TEX35: variants seen among roughly 807,000 people sequenced by gnomAD.
TEX35 encodes testis expressed 35.
TEX35 carries 26 observed loss-of-function variants against 31.9 expected under a neutral mutation model. That is an observed-to-expected ratio of 0.81 (90% CI 0.60 to 1.13). The LOEUF (loss-of-function observed/expected upper bound fraction) is 1.13, where lower values mean the gene tolerates loss of function less well. TEX35 is among the 50% of genes most tolerant of loss of function. TEX35 has a pLI of 0.00. For missense variants in TEX35, 278 were observed against 273.5 expected, an observed-to-expected ratio of 1.02 and a Z score of -0.12; for synonymous variants, 87 against 90.7, an observed-to-expected ratio of 0.96 and a Z score of 0.23.
chr1:178,514,259 C>G (rs1417255495), intron 2 of TEX35, 182 bp downstream of exon 2: 1 of 1,513,372 alleles, frequency 6.6e-7, no homozygotes, highest in African/African-American at 1.4e-5. Context: ...CATAAACGAA[C>G]AAGGACTCAT....
At chr1:178,521,561 G>T in intron 8 of TEX35, 1 of 1,468,062 alleles carries the variant, frequency 6.8e-7, no homozygotes, top group Non-Finnish European at 9.3e-7. Context: ...CATCCAGTGG[G>T]AAATATTCAC....
intron 3 of TEX35, among the ~76,000 whole-genome samples, chr1:178,515,239 C>A (rs767359791): frequency 6.6e-5 from 10 of 152,182 alleles, no homozygotes; most frequent in Non-Finnish European, 4.4e-5. Flanking sequence ...TCCCGAGTAT[C>A]TGGGACTATA....
chr1:178,519,868 C>A lies in TEX35; in HGVS notation c.277-504C>A, dbSNP rs533404254. 4.6e-5 allele frequency among the ~76,000 whole-genome samples: 7 copies of A among 152,200 alleles called. No homozygotes were observed. In the South Asian group the frequency reaches 1.5e-3, roughly 32 times the overall value. ...ATTTTATTATTCCTTCTGTTCTGAG[C>A]GAATAATACGTGTGATGTATCCCTT... On this transcript the variant is annotated intron_variant, in intron 5 of 8. Coordinates refer to ENST00000319416, the MANE Select transcript of TEX35 (RefSeq NM_032126.5).
chr1:178,513,622 G>A (rs1649955069), intron 1 of TEX35, among the ~76,000 whole-genome samples: 1 of 152,266 alleles, frequency 6.6e-6, no homozygotes, highest in Non-Finnish European at 1.5e-5. Context: ...GGCTCAGAGA[G>A]GCTAAGCAAC....
chr1:178,522,381 AC>A lies in TEX35; in HGVS notation c.646del (p.Gln216AsnfsTer21). On this transcript the variant is annotated frameshift_variant, in exon 9 of 9. Transcript: ENST00000319416. LOFTEE classifies it low-confidence loss of function (END_TRUNC). ...LYKGGEEPVT[T>X]QPSVGHAVPA... Reference sequence around the variant, plus strand: ...CAAAGGTGGAGAGGAGCCAGTGACCACCCAACCTTCTGTGGGCCACGCTGTG... The same window carrying A: ...CAAAGGTGGAGAGGAGCCAGTGACCACCAACCTTCTGTGGGCCACGCTGTG... 6.2e-7 allele frequency: 1 copy of A among 1,607,096 alleles called. No homozygotes were observed.
At chr1:178,521,041 T>G in intron 7 of TEX35, 167 bp downstream of exon 7, 1 of 1,545,088 alleles carries the variant, frequency 6.5e-7, no homozygotes, top group Non-Finnish European at 8.7e-7. Flanking sequence ...CCTTGCCTTC[T>G]AGGCCTGTGG....
In TEX35 at chr1:178,522,334, C is replaced by A; in HGVS notation, c.596C>A (p.Pro199His). 1 of 1,598,886 alleles carries A rather than the reference C, an allele frequency of 6.3e-7. No individual in the cohort carries two copies. Among genetic ancestry groups the A allele is most frequent in the Non-Finnish European group, 8.5e-7 (1 of 1,171,782 alleles). ...CCCTCCACCCCCAAAGGGAACATTC[C>A]TTCAGAGGCCTCAGGCCTTTACAAA... The part of the protein sequence containing the change: ...LKNNYNRGNI[P>H]SEASGLYKGG... Residue 199 changes from proline (P) to histidine (H), a missense_variant, in exon 9 of 9, where the codon CCT becomes CAT. Physicochemically the swap from Pro to His is moderately conservative, Grantham distance 77. Coordinates refer to ENST00000319416, the MANE Select transcript of TEX35 (RefSeq NM_032126.5).
chr1:178,518,469 G>T (rs969245097), intron 5 of TEX35, among the ~76,000 whole-genome samples: 1 of 152,068 alleles, frequency 6.6e-6, no homozygotes, highest in African/African-American at 2.4e-5. Flanking sequence ...ATTTTCAACA[G>T]TAGGGGAATG....
intron 2 of TEX35, 153 bp downstream of exon 2, chr1:178,514,230 C>G: frequency 6.5e-7 from 1 of 1,548,454 alleles, no homozygotes; most frequent in East Asian, 2.4e-5. Flanking sequence ...TAGAACTTCA[C>G]ACTGTAACCA....
chr1:178,515,253 G>A (rs186086124), intron 3 of TEX35, among the ~76,000 whole-genome samples: 379 of 152,148 alleles, frequency 2.5e-3, no homozygotes, highest in African/African-American at 8.7e-3. Context: ...GACTATAGGC[G>A]TGCACCACCA....
intron 4 of TEX35, 130 bp downstream of exon 4, chr1:178,516,045 G>T (rs1320806024): frequency 9.3e-6 from 7 of 749,368 alleles, no homozygotes; most frequent in Non-Finnish European, 1.6e-5. Context: ...AATACCCAGA[G>T]CACTTCAGTA....
chr1:178,516,446 C>T, intron 4 of TEX35, 169 bp from the exon 5 acceptor site: 1 of 598,912 alleles, frequency 1.7e-6, no homozygotes, highest in South Asian at 2.1e-5. Flanking sequence ...GTGCTTGCAC[C>T]CTAGTCCCTT....
intron 3 of TEX35, among the ~76,000 whole-genome samples, chr1:178,515,379 T>C (rs1049188656): frequency 6.7e-6 from 1 of 149,436 alleles, no homozygotes; most frequent in African/African-American, 2.5e-5. Flanking sequence ...GATTACAGGT[T>C]TGAGCCACTG....
chr1:178,517,553 C>A (rs568526498), intron 5 of TEX35, among the ~76,000 whole-genome samples: 2 of 152,318 alleles, frequency 1.3e-5, no homozygotes, highest in South Asian at 4.1e-4. Flanking sequence ...CCCATCCAGG[C>A]TACACCTCAT....
At chr1:178,516,491 G>A in intron 4 of TEX35, 124 bp from the exon 5 acceptor site, 1 of 763,032 alleles carries the variant, frequency 1.3e-6, no homozygotes, top group Non-Finnish European at 2.2e-6. Flanking sequence ...GCTCTAACAG[G>A]CCATTATTAG....
intron 8 of TEX35, 136 bp downstream of exon 8, chr1:178,521,400 C>A: frequency 3.6e-6 from 4 of 1,123,740 alleles, no homozygotes; most frequent in Non-Finnish European, 5.4e-6. Context: ...GCAGATGCTG[C>A]CACCCAGCAT....
chr1:178,520,826 A>C lies in TEX35; in HGVS notation c.495A>C (p.Lys165Asn). Residue 165 changes from lysine (K) to asparagine (N), a missense_variant, in exon 7 of 9, where the codon AAA becomes AAC. Physicochemically the swap from Lys to Asn is moderately conservative, Grantham distance 94. Coordinates refer to ENST00000319416, the MANE Select transcript of TEX35 (RefSeq NM_032126.5). ...ALHKKTMAPQ[K>N]TKQGSLDPLH... is the part of the protein sequence containing the mutation. The stretch of plus-strand genomic sequence containing the variant: ...ACAAGAAGACGATGGCACCACAAAA[A>C]ACAAAACAGGGCTCACTGGATCCCC... The C allele has an allele frequency of 6.2e-7, 1 of 1,614,122 alleles. No individual in the cohort carries two copies. Among genetic ancestry groups the C allele is most frequent in the African/African-American group, 1.3e-5 (1 of 75,006 alleles).
intron 1 of TEX35, 86 bp from the exon 2 acceptor site, chr1:178,513,941 G>A (rs1378694893): frequency 1.3e-6 from 2 of 1,510,418 alleles, no homozygotes; most frequent in East Asian, 2.3e-5. Context: ...GGGGGGCAGG[G>A]GGCAGGGTTC....
chr1:178,521,041 T>C, intron 7 of TEX35, 167 bp downstream of exon 7: 1 of 1,545,088 alleles, frequency 6.5e-7, no homozygotes, highest in Non-Finnish European at 8.7e-7. Context: ...CCTTGCCTTC[T>C]AGGCCTGTGG....
Sources: allele counts gnomAD v4.1 joint callset (sites outside exome capture counted in the v4.1 genomes callset), GRCh38; gene constraint gnomAD v4.1.1; transcripts MANE v1.5; gene names NCBI Gene and HGNC (gene_info 2026-07-23, HGNC 2026-07-21).